SEPTIN14: variants seen among roughly 807,000 people sequenced by gnomAD.
SEPTIN14 encodes septin-14.
SEPTIN14 carries 40 observed loss-of-function variants against 53.6 expected under a neutral mutation model. The observed-to-expected ratio is 0.75, with a 90% CI of 0.58 to 0.97. SEPTIN14 has a LOEUF of 0.97. Ranked by LOEUF, SEPTIN14 falls within the 50% of genes least tolerant of loss-of-function variation. The pLI is 0.00. For missense variants in SEPTIN14, 471 were observed against 508.2 expected (o/e 0.93, Z 0.70); for synonymous variants, 138 against 166.8 (o/e 0.83, Z 1.33).
At chr7:55,806,474 T>TC (rs386410230) in intron 8 of SEPTIN14, among the ~76,000 whole-genome samples, 11 of 151,574 alleles carry the variant, frequency 7.3e-5, no homozygotes, top group Non-Finnish European at 1.3e-4. Flanking sequence ...TTTTTCTTTT[T>TC]TTTTTTAAGA....
At chr7:55,862,212 A>C (rs936794216) in intron 1 of SEPTIN14, among the ~76,000 whole-genome samples, 5 of 152,294 alleles carry the variant, frequency 3.3e-5, no homozygotes, top group African/African-American at 1.2e-4. Context: ...TATTCAACTT[A>C]TAATGTAGAG....
chr7:55,794,080 T>C lies in SEPTIN14; in HGVS notation c.*1833A>G, dbSNP rs1369998142. 2 of 152,104 alleles carry C rather than the reference T, an allele frequency of 1.3e-5. No individual in the cohort carries two copies. Among genetic ancestry groups the C allele is most frequent in the Admixed American group, 1.3e-4 (2 of 15,254 alleles). The allele number at this position is 152,104 out of a possible 1,614,324, so 9.4% of individuals were successfully genotyped here. On this transcript the variant is annotated 3_prime_UTR_variant, in exon 10 of 10. Coordinates refer to ENST00000388975, the MANE Select transcript of SEPTIN14 (RefSeq NM_207366.3). The stretch of plus-strand genomic sequence containing the variant: ...AATAAAAATATGCCTTATAGTATCA[T>C]ATAATATCATGTTTTATAGCTCTTG...
intron 2 of SEPTIN14, among the ~76,000 whole-genome samples, chr7:55,859,105 A>G (rs1392987762): frequency 2.0e-5 from 3 of 149,254 alleles, no homozygotes; most frequent in East Asian, 4.0e-4. Flanking sequence ...GAGCAGAGAT[A>G]GCGCCATTGC....
At chr7:55,834,395 C>A in intron 6 of SEPTIN14, 30 bp downstream of exon 6, 1 of 1,563,568 alleles carries the variant, frequency 6.4e-7, no homozygotes, top group Non-Finnish European at 8.7e-7. Flanking sequence ...CATTTCTAGC[C>A]TCTTTGTCAG....
intron 9 of SEPTIN14, among the ~76,000 whole-genome samples, chr7:55,803,461 A>T (rs1788556441): frequency 6.6e-6 from 1 of 152,236 alleles, no homozygotes; most frequent in South Asian, 2.1e-4. Flanking sequence ...TTATAAAACA[A>T]TGATAAAAAA....
chr7:55,844,229 A>G (rs963876769), intron 4 of SEPTIN14, among the ~76,000 whole-genome samples: 1 of 152,210 alleles, frequency 6.6e-6, no homozygotes, highest in Non-Finnish European at 1.5e-5. Flanking sequence ...AATGTAAATT[A>G]GTACAACGTC....
At chr7:55,821,263 C>T (rs1313060279) in intron 6 of SEPTIN14, among the ~76,000 whole-genome samples, 2 of 152,178 alleles carry the variant, frequency 1.3e-5, no homozygotes, top group East Asian at 1.9e-4. Context: ...GAGGCAGTGG[C>T]TCATTGTGTG....
intron 3 of SEPTIN14, 140 bp from the exon 4 acceptor site, chr7:55,844,858 C>A: frequency 7.2e-6 from 3 of 417,098 alleles, no homozygotes. Context: ...CTACCAGAGG[C>A]TGGGGGAGCA....
chr7:55,824,897 G>A (rs1346722074), intron 6 of SEPTIN14, among the ~76,000 whole-genome samples: 2 of 152,114 alleles, frequency 1.3e-5, no homozygotes, highest in East Asian at 3.8e-4. Flanking sequence ...CTCATTGCCA[G>A]TGGGAATGCA....
At position 55,807,280 on chromosome 7, in the gene SEPTIN14, A is replaced by G. The variant is rs1584252435; in HGVS notation, c.818-22T>C. The G allele has an allele frequency of 2.7e-6, 4 of 1,498,974 alleles. No homozygotes were observed. In the African/African-American group the frequency reaches 4.2e-5, roughly 16 times the overall value. 92.9% of individuals were successfully genotyped at this position (1,498,974 alleles called of 1,614,324 possible). On this transcript the variant is annotated intron_variant, in intron 7 of 9. Transcript: ENST00000388975. ...TCCACTAGTAAAAAAATAATAATGA[A>G]TCAACAACATTCAGTATCAATCCCT...
At chr7:55,830,994 A>G (rs1455786919) in intron 6 of SEPTIN14, among the ~76,000 whole-genome samples, 1 of 152,142 alleles carries the variant, frequency 6.6e-6, no homozygotes, top group East Asian at 1.9e-4. Flanking sequence ...TAACTAAAGC[A>G]ATGTACAAAT....
chr7:55,812,654 A>AAT, intron 7 of SEPTIN14, among the ~76,000 whole-genome samples: 3 of 152,312 alleles, frequency 2.0e-5, no homozygotes, highest in Middle Eastern at 6.8e-3. Context: ...AAATTGAACA[A>AAT]ATATCCATGC....
At chr7:55,844,492 C>A in intron 4 of SEPTIN14, 31 bp downstream of exon 4, 1 of 1,296,060 alleles carries the variant, frequency 7.7e-7, no homozygotes. Context: ...AATAAGAAAA[C>A]CTTTTTTAAT....
rs143769224 is a variant in SEPTIN14, at chr7:55,827,543, C to T, written c.720+6882G>A. Among the ~76,000 whole-genome samples the T allele has an allele frequency of 2.8e-3, 425 of 152,304 alleles. 5 individuals carry two copies. Among genetic ancestry groups the T allele is most frequent in the Middle Eastern group, 0.01 (3 of 294 alleles). On this transcript the variant is annotated intron_variant, in intron 6 of 9. Coordinates refer to ENST00000388975, the MANE Select transcript of SEPTIN14 (RefSeq NM_207366.3). ...TACAGCTCCTCCCTCCCTACAGAGA[C>T]CTGTGAGCATTTCACCAGGAGCTGC... is the stretch of plus-strand genomic sequence containing the variant.
rs57842949 is a variant in SEPTIN14 at position 55,799,351 on chromosome 7, CAAAAAAA to C, written c.1120-3266_1120-3260del. Among the ~76,000 whole-genome samples, 3 of 104,790 alleles carry C rather than the reference CAAAAAAA, an allele frequency of 2.9e-5. No homozygotes were observed. In the South Asian group the frequency reaches 9.6e-4, roughly 34 times the overall value. The allele number at this position is 104,790 out of a possible 152,430, so 68.7% of individuals were successfully genotyped here. A position where few individuals can be genotyped will look rare whatever the true frequency, so the allele number is the denominator to read the frequency against. ...TGAAACGCCATCTCTACTAAAAATA[CAAAAAAA>C]AAAAAAAAAATTAGCCACGCCTTGT... On this transcript the variant is annotated intron_variant, in intron 9 of 9. Coordinates refer to ENST00000388975, the MANE Select transcript of SEPTIN14 (RefSeq NM_207366.3).
At chr7:55,813,328 C>T (rs1484098468) in intron 7 of SEPTIN14, among the ~76,000 whole-genome samples, 1 of 152,188 alleles carries the variant, frequency 6.6e-6, no homozygotes, top group Non-Finnish European at 1.5e-5. Flanking sequence ...GTTCCAGCTA[C>T]CTCCACCACT....
At chr7:55,806,642 T>C (rs1184349675) in intron 8 of SEPTIN14, among the ~76,000 whole-genome samples, 2 of 151,394 alleles carry the variant, frequency 1.3e-5, no homozygotes, top group Non-Finnish European at 2.9e-5. Flanking sequence ...TTTGTATTTT[T>C]AGTAGACACA....
chr7:55,844,651 TTTG>T lies in SEPTIN14; in HGVS notation c.240_242del (p.Asn80del). On this transcript the variant is annotated inframe_deletion, in exon 4 of 10. Transcript: ENST00000388975. ...CAACATTTGAGTAAAAATGTGAGGA[TTTG>T]TTATCTTTCAAGTTAGTATTAAACA... 1 of 1,610,934 alleles carries T rather than the reference TTTG, an allele frequency of 6.2e-7. No individual in the cohort carries two copies. Among genetic ancestry groups the T allele is most frequent in the Non-Finnish European group, 8.5e-7 (1 of 1,177,544 alleles).
At chr7:55,796,918 T>G (rs944260027) in intron 9 of SEPTIN14, among the ~76,000 whole-genome samples, 1 of 149,406 alleles carries the variant, frequency 6.7e-6, no homozygotes, top group Non-Finnish European at 1.5e-5. Flanking sequence ...AGGTCAGGAG[T>G]TCAAGACCAG....
Sources: allele counts gnomAD v4.1 joint callset (sites outside exome capture counted in the v4.1 genomes callset), GRCh38; gene constraint gnomAD v4.1.1; transcripts MANE v1.5; gene names NCBI Gene and HGNC (gene_info 2026-07-23, HGNC 2026-07-21).